The following EFR3B variants were observed in gnomAD, a reference collection of about 807,000 sequenced individuals.
The protein encoded by EFR3B is EFR3 homolog B, also known as protein EFR3 homolog B.
A neutral mutation model predicts 104.7 loss-of-function variants in EFR3B; 64 were observed. The ratio of observed to expected loss-of-function variants is 0.61; its 90% confidence interval spans 0.50 to 0.75. The LOEUF is 0.75. Ranked by LOEUF, EFR3B falls within the 30% of genes least tolerant of loss-of-function variation. The probability of loss-of-function intolerance (pLI) is 0.00; values close to 1 mark genes in which losing one functional copy is unlikely to be tolerated. For missense variants in EFR3B, 750 were observed against 1,078.5 expected (o/e 0.70, Z 4.27); for synonymous variants, 385 against 417.9 (o/e 0.92, Z 0.96).
chr2:25,107,998 T>A (rs1049504598), intron 4 of EFR3B, among the ~76,000 whole-genome samples: 1 of 152,080 alleles, frequency 6.6e-6, no homozygotes, highest in Non-Finnish European at 1.5e-5. Context: ...CATGCCTGGC[T>A]AGTTTTTGTA....
intron 1 of EFR3B, among the ~76,000 whole-genome samples, chr2:25,074,345 C>T (rs1668575880): frequency 6.6e-6 from 1 of 152,136 alleles, no homozygotes; most frequent in Non-Finnish European, 1.5e-5. Flanking sequence ...GCGGATGGAT[C>T]ACTTGAGGTC....
intron 1 of EFR3B, among the ~76,000 whole-genome samples, chr2:25,055,780 A>T (rs1237201477): frequency 1.7e-4 from 1 of 5,890 alleles, no homozygotes; most frequent in East Asian, 2.9e-3. Flanking sequence ...CAGCGTGTGC[A>T]AGGAGGGATG....
Position 25,154,459 on chromosome 2 carries a change from G to A in EFR3B, c.*119G>A, listed in dbSNP as rs1029324478. 6.3e-6 allele frequency: 6 copies of A among 956,920 alleles called. No individual in the cohort carries two copies. Among genetic ancestry groups the A allele is most frequent in the Admixed American group, 2.3e-5 (1 of 43,400 alleles). The allele number at this position is 956,920 out of a possible 1,614,324, so 59.3% of individuals were successfully genotyped here. On this transcript the variant is annotated 3_prime_UTR_variant, in exon 23 of 23. Coordinates refer to ENST00000403714, the MANE Select transcript of EFR3B (RefSeq NM_014971.2). This position sits in a 1 kb window ranked among gnomAD's most constrained non-coding sequence, Gnocchi z 4.1. ...TGAGAAAACATCACCTTAGATGGCAGCGCCTCCCAGGCTAAGCCAAGGTGG... is the reference window on the plus strand; with the variant it reads ...TGAGAAAACATCACCTTAGATGGCAACGCCTCCCAGGCTAAGCCAAGGTGG...
intron 1 of EFR3B, among the ~76,000 whole-genome samples, chr2:25,089,757 C>T (rs367996828): frequency 6.6e-6 from 1 of 152,098 alleles, no homozygotes; most frequent in South Asian, 2.1e-4. Flanking sequence ...GGAACGAGGT[C>T]GAGCAAGGAG....
chr2:25,115,595 G>A (rs1669835678), intron 4 of EFR3B, among the ~76,000 whole-genome samples: 1 of 152,190 alleles, frequency 6.6e-6, no homozygotes, highest in Admixed American at 6.5e-5. Context: ...TACCTTATAT[G>A]GAAACAGGGT....
intron 1 of EFR3B, among the ~76,000 whole-genome samples, chr2:25,060,920 C>A (rs1668174335): frequency 2.3e-5 from 2 of 87,146 alleles, no homozygotes; most frequent in South Asian, 9.8e-4. Context: ...GACTCCGAAT[C>A]AAAAAACAAA....
intron 1 of EFR3B, among the ~76,000 whole-genome samples, chr2:25,088,422 T>C (rs1242202782): frequency 6.6e-6 from 1 of 152,068 alleles, no homozygotes; most frequent in East Asian, 1.9e-4. Context: ...GATTCTCAAC[T>C]CTTAGGCCTT....
chr2:25,112,691 A>G (rs993936833), intron 4 of EFR3B, among the ~76,000 whole-genome samples: 29 of 152,348 alleles, frequency 1.9e-4, no homozygotes, highest in African/African-American at 6.7e-4. Flanking sequence ...AATTTGGGCA[A>G]TGTTCTTTGG....
At chr2:25,106,039 T>A (rs1225942552) in intron 4 of EFR3B, among the ~76,000 whole-genome samples, 2 of 152,248 alleles carry the variant, frequency 1.3e-5, no homozygotes, top group African/African-American at 4.8e-5. Flanking sequence ...TCTCTTGCTG[T>A]CCCTGTCTGA....
rs1573225784 is a variant in EFR3B at position 25,131,465 on chromosome 2, T to C, written c.947T>C (p.Leu316Ser). Residue 316 changes from leucine (L) to serine (S), a missense_variant, in exon 9 of 23, where the codon TTG becomes TCG. Transcript: ENST00000403714. The surrounding 1 kb of genome is among the most constrained non-coding windows in gnomAD (Gnocchi z 7.6). Reference sequence around the variant, plus strand: ...GTGCGCGCGGGCATCGTGGAAGTCTTGTCGGAAGCCGCGGTCATCGCTGCC... The same window carrying C: ...GTGCGCGCGGGCATCGTGGAAGTCTCGTCGGAAGCCGCGGTCATCGCTGCC... ...ATVRAGIVEV[L>S]SEAAVIAATG... 6.4e-7 allele frequency: 1 copy of C among 1,550,444 alleles called. No homozygotes were observed. Among genetic ancestry groups the C allele is most frequent in the Non-Finnish European group, 8.7e-7 (1 of 1,146,824 alleles).
At chr2:25,104,747 C>G (rs1669517814) in intron 4 of EFR3B, among the ~76,000 whole-genome samples, 1 of 152,232 alleles carries the variant, frequency 6.6e-6, no homozygotes, top group Non-Finnish European at 1.5e-5. Context: ...CTGCCCTTCC[C>G]TCGCTGTGAA....
intron 1 of EFR3B, among the ~76,000 whole-genome samples, chr2:25,064,237 T>G (rs916195718): frequency 6.6e-6 from 1 of 152,236 alleles, no homozygotes; most frequent in Non-Finnish European, 1.5e-5. Context: ...CAACAGTCTC[T>G]CTGATGATAT....
chr2:25,088,627 G>A (rs539757236), intron 1 of EFR3B, among the ~76,000 whole-genome samples: 1 of 152,224 alleles, frequency 6.6e-6, no homozygotes, highest in South Asian at 2.1e-4. Flanking sequence ...CCTGCTATAA[G>A]TGCTTTATAG....
intron 3 of EFR3B, among the ~76,000 whole-genome samples, chr2:25,095,637 A>G (rs1254196613): frequency 6.6e-6 from 1 of 152,082 alleles, no homozygotes; most frequent in Non-Finnish European, 1.5e-5. Flanking sequence ...CAGAGGTTGC[A>G]GTGAGCTGAG....
chr2:25,148,338 C>T (rs905452153), intron 19 of EFR3B, among the ~76,000 whole-genome samples: 4 of 151,670 alleles, frequency 2.6e-5, no homozygotes, highest in African/African-American at 9.7e-5. Context: ...ACTGCAATCT[C>T]CACCTCCCGG....
chr2:25,091,514 G>A, intron 2 of EFR3B, 113 bp downstream of exon 2: 3 of 953,490 alleles, frequency 3.1e-6, no homozygotes, highest in Non-Finnish European at 4.6e-6. Flanking sequence ...GGCCTCTCAG[G>A]GTCCCTGGGC....
intron 18 of EFR3B, among the ~76,000 whole-genome samples, chr2:25,144,542 T>TA (rs60720578): frequency 3.8e-4 from 56 of 146,144 alleles, no homozygotes; most frequent in African/African-American, 7.5e-4. Flanking sequence ...AGACTCCGTC[T>TA]AAAAAAAAAA....
intron 17 of EFR3B, 150 bp from the exon 18 acceptor site, chr2:25,143,585 G>A (rs1288387932): frequency 3.2e-6 from 3 of 947,350 alleles, no homozygotes; most frequent in Middle Eastern, 2.3e-4. Flanking sequence ...GCTTGAACCT[G>A]GAAGGCGGAG....
chr2:25,067,529 G>GGTTCAAGCAATTCTCCTGC (rs1364557502), intron 1 of EFR3B, among the ~76,000 whole-genome samples: 1 of 151,802 alleles, frequency 6.6e-6, no homozygotes, highest in East Asian at 1.9e-4. Flanking sequence ...CCGCCTCCTG[G>GGTTCAAGCAATTCTCCTGC]GTTCAAGCAA....
Sources: gnomAD v4.1 joint callset for allele counts (sites outside exome capture counted in the v4.1 genomes callset) on GRCh38, gnomAD v4.1.1 for gene constraint, Gnocchi (gnomAD v3.1) non-coding constraint, MANE v1.5 for transcripts, NCBI Gene and HGNC (gene_info 2026-07-23, HGNC 2026-07-21) for gene names.